The following CACNA1H variants were observed in gnomAD, a reference collection of about 807,000 sequenced individuals.
CACNA1H encodes voltage-dependent T-type calcium channel subunit alpha-1H.
CACNA1H carries 149 observed loss-of-function variants against 192.5 expected under a neutral mutation model. The observed-to-expected ratio is 0.77, with a 90% CI of 0.68 to 0.89. CACNA1H has a LOEUF of 0.89. Among genes scored for constraint, CACNA1H ranks in the 40% least tolerant of loss-of-function variants. CACNA1H has a pLI of 0.00. For missense variants in CACNA1H, 4,257 were observed against 3,423.5 expected (o/e 1.24, Z -6.08); for synonymous variants, 2,202 against 1,475.2 (o/e 1.49, Z -11.29).
chr16:1,204,031 A>G lies in CACNA1H; in HGVS notation c.2024A>G (p.His675Arg). ...GCAGGACTGGGCCAGGCCCCTGGCC[A>G]TCTGTCGGGCCTCAGTGTGCCCTGC... ...GEHGLGQAPGHLSGLSVPCPL... is the reference protein window; with the variant it reads ...GEHGLGQAPGRLSGLSVPCPL... The change falls in exon 10 of 35, where the codon CAT becomes CGT. Residue 675 changes from histidine (H) to arginine (R), a missense_variant. By Grantham distance (29) the His-to-Arg change is conservative (BLOSUM62 0). Transcript: ENST00000348261. The G allele has an allele frequency of 1.3e-6, 2 of 1,563,902 alleles. No individual in the cohort carries two copies. Among genetic ancestry groups the G allele is most frequent in the South Asian group, 2.3e-5 (2 of 85,706 alleles).
chr16:1,187,015 T>C (rs1966137078), intron 2 of CACNA1H, among the ~76,000 whole-genome samples: 1 of 152,230 alleles, frequency 6.6e-6, no homozygotes, highest in Non-Finnish European at 1.5e-5. Flanking sequence ...GGTCTCTTGA[T>C]GTGGGACCAA....
chr16:1,215,044 C>T lies in CACNA1H; in HGVS notation c.5002C>T (p.Leu1668=), dbSNP rs1300073019. The T allele has an allele frequency of 1.9e-6, 3 of 1,613,006 alleles. No homozygotes were observed. The highest frequency in any genetic ancestry group is 1.7e-5 in the Admixed American group (1 of 59,914). ...IVFVFEAALK[L]VAFGFRRFFK... ...GTTTGTCTTCGAGGCTGCACTGAAG[C>T]TGGTAGCATTTGGGTTCCGTCGGTT... is the stretch of plus-strand genomic sequence containing the variant. Residue 1668 remains leucine, a synonymous_variant, in exon 28 of 35, where the codon CTG becomes TTG. Transcript: ENST00000348261.
At chr16:1,163,767 C>A (rs1963465660) in intron 2 of CACNA1H, among the ~76,000 whole-genome samples, 1 of 152,226 alleles carries the variant, frequency 6.6e-6, no homozygotes, top group Non-Finnish European at 1.5e-5. Flanking sequence ...GCCCACTGGG[C>A]CACGGGCTCT....
At position 1,160,685 on chromosome 16, in the gene CACNA1H, G is replaced by C. The variant is rs191009674; in HGVS notation, c.299+6649G>C. Among the ~76,000 whole-genome samples the C allele has an allele frequency of 1.7e-3, 257 of 152,308 alleles. 2 individuals carry two copies. The highest frequency in any genetic ancestry group is 6.1e-3 in the African/African-American group (252 of 41,562). ...CTGACGGGAGAAGCGGGCCGTTGGC[G>C]GGGCCGTGAGAGCCCCCGGGTTTGA... On this transcript the variant is annotated intron_variant, in intron 2 of 34. Transcript: ENST00000348261.
Position 1,207,025 on chromosome 16 carries a change from C to A in CACNA1H, c.2814C>A (p.Gly938=), listed in dbSNP as rs1362947362. 9 of 1,595,774 alleles carry A rather than the reference C, an allele frequency of 5.6e-6. No individual in the cohort carries two copies. Among genetic ancestry groups the A allele is most frequent in the Non-Finnish European group, 7.7e-6 (9 of 1,171,232 alleles). Residue 938 remains glycine (G), a synonymous_variant, in exon 13 of 35, where the codon GGC becomes GGA. Coordinates refer to ENST00000348261, the MANE Select transcript of CACNA1H (RefSeq NM_021098.3). ...IFSILGMHLF[G]CKFSLKTDTG... ...GCATCCTGGGCATGCACCTTTTCGG[C>A]TGCAAGTTCAGCCTGAAGACAGACA...
chr16:1,212,847 G>A lies in CACNA1H; in HGVS notation c.4777+319G>A, dbSNP rs548142053. The stretch of plus-strand genomic sequence containing the variant: ...CCTTGCTGGTCCAGCCTGACTGGCC[G>A]CGGGCCCTCTCCGGCTGCCCGGGCT... On this transcript the variant is annotated intron_variant, in intron 26 of 34. Transcript: ENST00000348261. Among the ~76,000 whole-genome samples the A allele has an allele frequency of 1.9e-3, 287 of 152,328 alleles. 1 individual carries two copies. The highest frequency in any genetic ancestry group is 6.7e-3 in the African/African-American group (278 of 41,570).
intron 14 of CACNA1H, among the ~76,000 whole-genome samples, 158 bp downstream of exon 14, chr16:1,207,588 G>C (rs1968891859): frequency 6.6e-6 from 1 of 152,148 alleles, no homozygotes; most frequent in Non-Finnish European, 1.5e-5. Flanking sequence ...GCCCAGCGGA[G>C]TGGGCAGGGG....
At position 1,156,517 on chromosome 16, in the gene CACNA1H, G is replaced by C. The variant is rs374238588; in HGVS notation, c.299+2481G>C. On this transcript the variant is annotated intron_variant, in intron 2 of 34. Coordinates refer to ENST00000348261, the MANE Select transcript of CACNA1H (RefSeq NM_021098.3). The stretch of plus-strand genomic sequence containing the variant: ...GCTTCAGATTCCTGGGAGTTGGGAG[G>C]GGGAGGCTTTGCAGGAGGCGGCAGG... 9.5e-4 allele frequency among the ~76,000 whole-genome samples: 144 copies of C among 152,308 alleles called. 1 individual carries two copies. The highest frequency in any genetic ancestry group is 3.2e-3 in the African/African-American group (132 of 41,568).
At chr16:1,163,289 C>T (rs1963414474) in intron 2 of CACNA1H, among the ~76,000 whole-genome samples, 1 of 152,212 alleles carries the variant, frequency 6.6e-6, no homozygotes, top group African/African-American at 2.4e-5. Flanking sequence ...GGGTGTCGGG[C>T]GTTGAGTGGG....
rs921726348 is a variant in CACNA1H at position 1,153,999 on chromosome 16, C to A, written c.262C>A (p.Arg88=). ...CTTCTTCTGCCTCGGTCAGACCACGCGGCCGCGCAGCTGGTGCCTCCGGCT... is the reference window on the plus strand; with the variant it reads ...CTTCTTCTGCCTCGGTCAGACCACGAGGCCGCGCAGCTGGTGCCTCCGGCT... ...TVFFCLGQTT[R]PRSWCLRLVC... Residue 88 remains arginine (R), a synonymous_variant, in exon 2 of 35, where the codon CGG becomes AGG. Transcript: ENST00000348261. 7.0e-7 allele frequency: 1 copy of A among 1,421,868 alleles called. No homozygotes were observed. The highest frequency in any genetic ancestry group is 9.2e-7 in the Non-Finnish European group (1 of 1,085,916). The allele number at this position is 1,421,868 out of a possible 1,614,324, so 88.1% of individuals were successfully genotyped here. A position where few individuals can be genotyped will look rare whatever the true frequency, so the allele number is the denominator to read the frequency against.
At chr16:1,215,214 C>T (rs376858972) in intron 28 of CACNA1H, 28 bp from the exon 29 acceptor site, 19 of 1,591,304 alleles carry the variant, frequency 1.2e-5, no homozygotes, top group African/African-American at 5.4e-5. Flanking sequence ...GGACCCCAGA[C>T]GTGTGCGCTG....
At chr16:1,206,075 C>A in intron 11 of CACNA1H, 29 bp from the exon 12 acceptor site, 1 of 1,534,160 alleles carries the variant, frequency 6.5e-7, no homozygotes, top group Non-Finnish European at 8.8e-7. Flanking sequence ...ATCGTGGCCC[C>A]GCTGACCCTC....
chr16:1,221,365 G>A lies in CACNA1H; in HGVS notation c.*371G>A, dbSNP rs866284326. ...GGCCCCGCGTTGTTACAGGACACTC[G>A]CTGGGGGCCCTGTGCCCTTGCCGGC... On this transcript the variant is annotated 3_prime_UTR_variant, in exon 35 of 35. Transcript: ENST00000348261. 8 of 322,698 alleles carry A rather than the reference G, an allele frequency of 2.5e-5. No individual in the cohort carries two copies. The highest frequency in any genetic ancestry group is 4.3e-5 in the African/African-American group (2 of 46,156). The allele number at this position is 322,698 out of a possible 1,614,324, so 20.0% of individuals were successfully genotyped here. A position where few individuals can be genotyped will look rare whatever the true frequency, so the allele number is the denominator to read the frequency against.
At chr16:1,200,041 C>G (rs544880540) in intron 6 of CACNA1H, among the ~76,000 whole-genome samples, 1 of 152,174 alleles carries the variant, frequency 6.6e-6, no homozygotes, top group Non-Finnish European at 1.5e-5. Flanking sequence ...GTTCTTGACC[C>G]TGGTCCTGGC....
intron 2 of CACNA1H, chr16:1,157,579 C>T (rs1026011169): frequency 6.6e-6 from 1 of 152,304 alleles, no homozygotes; most frequent in Non-Finnish European, 1.5e-5. Flanking sequence ...CCTGCGCCCG[C>T]CTCCCCGGGC....
Position 1,220,442 on chromosome 16 carries a change from C to T in CACNA1H, c.6510C>T (p.Ala2170=), listed in dbSNP as rs781759531. 3 of 1,539,956 alleles carry T rather than the reference C, an allele frequency of 1.9e-6. No homozygotes were observed. The South Asian group carries it at 3.8e-5, about 20-fold the overall frequency. Residue 2170 remains alanine, a synonymous_variant, in exon 35 of 35, where the codon GCC becomes GCT. Coordinates refer to ENST00000348261, the MANE Select transcript of CACNA1H (RefSeq NM_021098.3). ...GCGGGGAGCCTGGGGAGGCGAAGGC[C>T]TGGGGCCCTGAGGCCGAGCCCGCTC... is the stretch of plus-strand genomic sequence containing the variant. ...LGSGEPGEAK[A]WGPEAEPALG... is the part of the protein sequence containing the mutation.
chr16:1,210,991 C>T lies in CACNA1H; in HGVS notation c.4223+20C>T, dbSNP rs1449623294. 6.3e-7 allele frequency: 1 copy of T among 1,587,998 alleles called. No homozygotes were observed. Among genetic ancestry groups the T allele is most frequent in the South Asian group, 1.1e-5 (1 of 90,154 alleles). On this transcript the variant is annotated intron_variant, in intron 21 of 34. Transcript: ENST00000348261. ...TCTGAGGTGGGGGGCTCCCCGTGGG[C>T]TCCCGGGGCAACCTGGAAGCACAGT...
intron 2 of CACNA1H, among the ~76,000 whole-genome samples, chr16:1,183,914 G>T (rs183878325): frequency 6.6e-5 from 10 of 152,352 alleles, no homozygotes; most frequent in African/African-American, 2.2e-4. Flanking sequence ...TCCTGGATCG[G>T]TTAATTAACG....
intron 2 of CACNA1H, among the ~76,000 whole-genome samples, chr16:1,183,968 G>A (rs746333623): frequency 7.2e-5 from 11 of 152,238 alleles, no homozygotes; most frequent in Admixed American, 6.5e-5. Flanking sequence ...GGGAAGGTGC[G>A]TCTGCCTCGG....
Sources: gnomAD v4.1 joint callset for allele counts (sites outside exome capture counted in the v4.1 genomes callset) on GRCh38, gnomAD v4.1.1 for gene constraint, MANE v1.5 for transcripts, NCBI Gene and HGNC (gene_info 2026-07-23, HGNC 2026-07-21) for gene names.